PTPRN2: variants seen among roughly 807,000 people sequenced by gnomAD.
PTPRN2 encodes protein tyrosine phosphatase receptor type N2, also known as receptor-type tyrosine-protein phosphatase N2.
PTPRN2 carries 74 observed loss-of-function variants against 118.8 expected under a neutral mutation model. The ratio of observed to expected loss-of-function variants is 0.62; its 90% CI spans 0.52 to 0.76. PTPRN2 has a LOEUF of 0.76. Among genes scored for constraint, PTPRN2 ranks in the 30% least tolerant of loss-of-function variants. The pLI, the probability that PTPRN2 is intolerant of heterozygous loss-of-function variation, is 0.00. For synonymous variants in PTPRN2, 641 were observed against 608.0 expected, an observed-to-expected ratio of 1.05 and a Z score of -0.80; for missense variants, 1,481 against 1,394.4, an observed-to-expected ratio of 1.06 and a Z score of -0.99.
Position 158,133,863 on chromosome 7 carries a change from A to G in PTPRN2, c.1370T>C (p.Leu457Pro). ...VKSQTYSKDL[L>P]GQQPHSEPGA... is the part of the protein sequence containing the mutation. Reference sequence around the variant, plus strand: ...GGGCTCCGAATGCGGCTGCTGCCCCAGCAGATCTTTGGAATACGTCTGGCT... The same window carrying G: ...GGGCTCCGAATGCGGCTGCTGCCCCGGCAGATCTTTGGAATACGTCTGGCT... Residue 457 changes from leucine (L) to proline (P), a missense_variant, in exon 9 of 23, where the codon CTG (leucine) becomes CCG (proline). This residue lies in a region of PTPRN2 where 1,115 missense variants were observed against 994.2 expected (regional missense o/e 1.12). Coordinates refer to ENST00000389418, the MANE Select transcript of PTPRN2 (RefSeq NM_002847.5). 1 of 1,613,872 alleles carries G rather than the reference A, an allele frequency of 6.2e-7. No individual in the cohort carries two copies.
chr7:157,595,451 G>A, intron 16 of PTPRN2, 136 bp from the exon 17 acceptor site: 1 of 751,820 alleles, frequency 1.3e-6, no homozygotes, highest in Non-Finnish European at 2.2e-6. Context: ...AAACCCGGAG[G>A]TTAGGAAACC....
intron 2 of PTPRN2, among the ~76,000 whole-genome samples, chr7:158,359,927 A>G (rs1387465930): frequency 6.6e-6 from 1 of 152,068 alleles, no homozygotes; most frequent in Non-Finnish European, 1.5e-5. Flanking sequence ...TCAGCTGTGG[A>G]GAGTGAGAAG....
At chr7:158,523,840 A>G (rs370720135) in intron 1 of PTPRN2, among the ~76,000 whole-genome samples, 114 of 11,182 alleles carry the variant, frequency 0.01, no homozygotes, top group Middle Eastern at 0.083. Flanking sequence ...GGAGTCGTCT[A>G]CCCTGGAGTG....
At chr7:158,385,278 C>A (rs1811247730) in intron 2 of PTPRN2, among the ~76,000 whole-genome samples, 2 of 145,112 alleles carry the variant, frequency 1.4e-5, no homozygotes. Context: ...AGAGTCCCAA[C>A]CAATTAAGGC....
At chr7:157,548,221 G>C (rs1030479474) in intron 22 of PTPRN2, among the ~76,000 whole-genome samples, 2 of 152,072 alleles carry the variant, frequency 1.3e-5, no homozygotes, top group African/African-American at 4.8e-5. Context: ...GTCTCAGAAA[G>C]CAACAACAAC....
At chr7:158,302,649 C>T (rs1475366712) in intron 3 of PTPRN2, among the ~76,000 whole-genome samples, 2 of 152,210 alleles carry the variant, frequency 1.3e-5, no homozygotes, top group Non-Finnish European at 2.9e-5. Context: ...ACGTGATGTG[C>T]GTAAGATGGC....
intron 11 of PTPRN2, among the ~76,000 whole-genome samples, chr7:157,962,574 A>C (rs1455713845): frequency 6.6e-6 from 1 of 152,208 alleles, no homozygotes; most frequent in Non-Finnish European, 1.5e-5. Context: ...AGCTTCCTGA[A>C]GTCAGACCCC....
chr7:158,379,858 TG>T (rs888517630), intron 2 of PTPRN2, among the ~76,000 whole-genome samples: 5 of 152,072 alleles, frequency 3.3e-5, no homozygotes, highest in South Asian at 4.2e-4. Flanking sequence ...TCCACATGGC[TG>T]GGGGGGCCTC....
chr7:158,147,985 A>T, intron 6 of PTPRN2, among the ~76,000 whole-genome samples: 1 of 49,068 alleles, frequency 2.0e-5, no homozygotes, highest in Non-Finnish European at 4.0e-5. Flanking sequence ...CCTCAATGAC[A>T]CACCATCTCA....
chr7:157,758,190 G>A (rs1016656427), intron 12 of PTPRN2, among the ~76,000 whole-genome samples: 3 of 152,234 alleles, frequency 2.0e-5, no homozygotes, highest in African/African-American at 7.2e-5. Flanking sequence ...GAAAAGGGCC[G>A]GTGTCGTAAT....
intron 2 of PTPRN2, among the ~76,000 whole-genome samples, chr7:158,340,852 A>G (rs1447569033): frequency 2.1e-4 from 16 of 77,344 alleles, no homozygotes; most frequent in Non-Finnish European, 2.1e-4. Flanking sequence ...AAGAGCTGAC[A>G]CATGCAGACG....
At chr7:158,009,927 A>AT (rs1421546091) in intron 11 of PTPRN2, among the ~76,000 whole-genome samples, 1 of 152,124 alleles carries the variant, frequency 6.6e-6, no homozygotes, top group African/African-American at 2.4e-5. Flanking sequence ...TCCCCATGCC[A>AT]TCCTGCCCCA....
At chr7:158,571,133 T>C (rs577437900) in intron 1 of PTPRN2, among the ~76,000 whole-genome samples, 1 of 152,332 alleles carries the variant, frequency 6.6e-6, no homozygotes, top group East Asian at 1.9e-4. Flanking sequence ...ATATTTTTTG[T>C]TTTTGTTTTT....
chr7:158,018,627 C>T (rs987015459), intron 11 of PTPRN2, among the ~76,000 whole-genome samples: 5 of 152,048 alleles, frequency 3.3e-5, no homozygotes, highest in South Asian at 2.1e-4. Context: ...GTGGTAGAGA[C>T]GGTTCCTAAC....
chr7:158,312,487 C>A (rs1305954389), intron 3 of PTPRN2, among the ~76,000 whole-genome samples: 1 of 151,550 alleles, frequency 6.6e-6, no homozygotes, highest in Non-Finnish European at 1.5e-5. Context: ...CATGTACACA[C>A]ACGTGCTCAC....
At chr7:158,502,703 A>G (rs762021392) in intron 1 of PTPRN2, among the ~76,000 whole-genome samples, 7 of 152,276 alleles carry the variant, frequency 4.6e-5, no homozygotes, top group Non-Finnish European at 1.0e-4. Flanking sequence ...CTGATTTTAC[A>G]ATAGAAAATA....
At chr7:158,027,981 T>G (rs1414668561) in intron 11 of PTPRN2, 1 of 152,258 alleles carries the variant, frequency 6.6e-6, no homozygotes, top group African/African-American at 2.4e-5. Context: ...CTTCACTTCC[T>G]TCTGCAGCCT....
chr7:158,523,653 T>TGGAGC (rs1563393144), intron 1 of PTPRN2, among the ~76,000 whole-genome samples: 17 of 136,462 alleles, frequency 1.2e-4, no homozygotes, highest in East Asian at 2.5e-4. Context: ...GAGTCTGCCC[T>TGGAGC]GGAGTGGAGT....
intron 6 of PTPRN2, among the ~76,000 whole-genome samples, chr7:158,161,883 T>A (rs1289191946): frequency 1.3e-5 from 2 of 151,976 alleles, no homozygotes; most frequent in Non-Finnish European, 1.5e-5. Flanking sequence ...CTTTACAAAC[T>A]CAACAATAAG....
Sources: allele counts gnomAD v4.1 joint callset (sites outside exome capture counted in the v4.1 genomes callset), GRCh38; gene constraint gnomAD v4.1.1; regional missense constraint gnomAD v4.1.1; transcripts MANE v1.5; gene names NCBI Gene and HGNC (gene_info 2026-07-23, HGNC 2026-07-21).